TRIP12: variants seen among roughly 807,000 people sequenced by gnomAD.
TRIP12 encodes thyroid hormone receptor interactor 12.
TRIP12 carries 25 observed loss-of-function variants against 244.2 expected under a neutral mutation model. The ratio of observed to expected loss-of-function variants is 0.10; its 90% CI spans 0.07 to 0.14. The LOEUF (loss-of-function observed/expected upper bound fraction) is 0.14. TRIP12 is among the 10% of genes least tolerant of loss of function. The pLI is 1.00. For synonymous variants in TRIP12, 905 were observed against 873.1 expected, an observed-to-expected ratio of 1.04 and a Z score of -0.64; for missense variants, 1,677 against 2,486.4, an observed-to-expected ratio of 0.67 and a Z score of 6.92.
At chr2:229,826,167 TCTTTA>T (rs2051526097) in intron 8 of TRIP12, among the ~76,000 whole-genome samples, 1 of 152,310 alleles carries the variant, frequency 6.6e-6, no homozygotes, top group East Asian at 1.9e-4. Context: ...ATTAATACTT[TCTTTA>T]CTTCTCATAA....
rs181451488 is a variant in TRIP12 at position 229,883,166 on chromosome 2, A to G, written c.-49-3038T>C. On this transcript the variant is annotated intron_variant, in intron 1 of 41. Coordinates refer to ENST00000675903, the MANE Select transcript of TRIP12 (RefSeq NM_001348323.3). Reference sequence around the variant, plus strand: ...ATACTTTGCAGACAAATCCAAATGAAGAAAGTTCCAAGTAATTTGTTGAAG... The same window carrying G: ...ATACTTTGCAGACAAATCCAAATGAGGAAAGTTCCAAGTAATTTGTTGAAG... 9.8e-5 allele frequency among the ~76,000 whole-genome samples: 15 copies of G among 152,336 alleles called. No individual in the cohort carries two copies. In the East Asian group the frequency reaches 1.9e-3, roughly 20 times the overall value.
At chr2:229,870,764 TA>T (rs1280084512) in intron 2 of TRIP12, among the ~76,000 whole-genome samples, 3 of 152,236 alleles carry the variant, frequency 2.0e-5, no homozygotes, top group African/African-American at 4.8e-5. Flanking sequence ...TTTATTTATT[TA>T]TTTTTTTGCG....
Position 229,868,945 on chromosome 2 carries a change from G to A in TRIP12, c.99-8414C>T, listed in dbSNP as rs1014850860. The stretch of plus-strand genomic sequence containing the variant: ...ACGTACTGCCATGTGACTTGCTTCA[G>A]CCAAGGGAATGTGAACAGAAGTGAA... On this transcript the variant is annotated intron_variant, in intron 2 of 41. Coordinates refer to ENST00000675903, the MANE Select transcript of TRIP12 (RefSeq NM_001348323.3). Among the ~76,000 whole-genome samples the A allele has an allele frequency of 6.9e-4, 105 of 152,206 alleles. 1 individual carries two copies. The highest frequency in any genetic ancestry group is 2.5e-3 in the African/African-American group (103 of 41,456).
At position 229,777,469 on chromosome 2, in the gene TRIP12, G is replaced by C. The variant is rs745778168; in HGVS notation, c.5375C>G (p.Pro1792Arg). ...CCATTTATAAAAGGGTAAGCCAAGG[G>C]GAAGGTCCACCTGAAATGGAATATG... ...AIMDFRLVDL[P>R]LGLPFYKWML... is the part of the protein sequence containing the mutation. The change falls in exon 37 of 42, where the codon CCC becomes CGC. Residue 1792 changes from proline to arginine, a missense_variant. By Grantham distance (103) the Pro-to-Arg change is moderately radical. Transcript: ENST00000675903. 1 of 1,613,620 alleles carries C rather than the reference G, an allele frequency of 6.2e-7. No homozygotes were observed. The highest frequency in any genetic ancestry group is 1.1e-5 in the South Asian group (1 of 91,054).
chr2:229,808,729 T>C (rs2046503301), intron 15 of TRIP12, among the ~76,000 whole-genome samples: 1 of 152,232 alleles, frequency 6.6e-6, no homozygotes, highest in Non-Finnish European at 1.5e-5. Context: ...ATTTATGTAC[T>C]TGTCTTCAAT....
chr2:229,842,532 TAC>T (rs1176211759), intron 4 of TRIP12, among the ~76,000 whole-genome samples: 75 of 152,318 alleles, frequency 4.9e-4, no homozygotes, highest in African/African-American at 1.4e-3. Context: ...CTTACGAATG[TAC>T]AGTTTAGAGA....
In TRIP12 at chr2:229,799,025, G is replaced by A. The variant is rs2043515007; in HGVS notation, c.3332C>T (p.Ser1111Leu). The change falls in exon 23 of 42, where the codon TCA becomes TTA. Residue 1111 changes from serine to leucine, a missense_variant. Ser to Leu is a moderately radical substitution (Grantham distance 145). Coordinates refer to ENST00000675903, the MANE Select transcript of TRIP12 (RefSeq NM_001348323.3). Reference protein sequence around the residue: ...NQAKSPTTTQSPKSSFLASLN... With the variant: ...NQAKSPTTTQLPKSSFLASLN... The stretch of plus-strand genomic sequence containing the variant: ...GCTTGCCAGGAAAGAAGATTTAGGT[G>A]ACTGAGTAGTGGTGGGGCTTTTAGC... The A allele has an allele frequency of 1.9e-6, 3 of 1,614,178 alleles. No homozygotes were observed. Among genetic ancestry groups the A allele is most frequent in the South Asian group, 1.1e-5 (1 of 91,066 alleles).
intron 41 of TRIP12, among the ~76,000 whole-genome samples, chr2:229,768,138 T>C (rs913829675): frequency 6.6e-6 from 1 of 152,194 alleles, no homozygotes; most frequent in African/African-American, 2.4e-5. Flanking sequence ...GTTGTGCCTG[T>C]AGTCCCAGCT....
In TRIP12 at chr2:229,789,755, C is replaced by T. The variant is rs370223317; in HGVS notation, c.4551G>A (p.Val1517=). The part of the protein sequence containing the change: ...KKHDELWHDG[V]CPSVSNPLEV... ...CTAAAGGATTTGATACTGATGGGCA[C>T]ACTCCATCTAAAGGACAAAAGATCA... Residue 1517 remains valine, a synonymous_variant, in exon 31 of 42, where the codon GTG becomes GTA. Transcript: ENST00000675903. 14 of 1,613,650 alleles carry T rather than the reference C, an allele frequency of 8.7e-6. No individual in the cohort carries two copies. In the African/African-American group the frequency reaches 1.6e-4, roughly 18 times the overall value.
At chr2:229,783,271 C>T (rs1421879873) in intron 34 of TRIP12, among the ~76,000 whole-genome samples, 1 of 152,228 alleles carries the variant, frequency 6.6e-6, no homozygotes, top group African/African-American at 2.4e-5. Context: ...CAGCCATGCT[C>T]ATTCAGTGTC....
At chr2:229,831,174 G>GT (rs1347900512) in intron 6 of TRIP12, 2 of 702,128 alleles carry the variant, frequency 2.8e-6, no homozygotes, top group East Asian at 2.7e-5. Context: ...ACATACTGCT[G>GT]TAACAATTGT....
At chr2:229,840,772 G>C in intron 5 of TRIP12, 50 bp downstream of exon 5, 1 of 1,232,466 alleles carries the variant, frequency 8.1e-7, no homozygotes, top group East Asian at 2.5e-5. Context: ...AGTTGAAATT[G>C]AGCAACAGAA....
At chr2:229,871,526 C>T (rs2062602495) in intron 2 of TRIP12, among the ~76,000 whole-genome samples, 1 of 152,148 alleles carries the variant, frequency 6.6e-6, no homozygotes, top group Admixed American at 6.5e-5. Flanking sequence ...CCCCTCCCCA[C>T]CCCTTGCTCC....
intron 1 of TRIP12, among the ~76,000 whole-genome samples, chr2:229,917,149 G>C (rs887505146): frequency 3.3e-5 from 5 of 152,010 alleles, no homozygotes; most frequent in African/African-American, 1.2e-4. Flanking sequence ...GGGAGTCCAA[G>C]GCGGGTGGAT....
chr2:229,858,481 A>G (rs2059985894), intron 4 of TRIP12, among the ~76,000 whole-genome samples: 1 of 152,202 alleles, frequency 6.6e-6, no homozygotes. Context: ...TCCCATCCTG[A>G]TATTAGGAAA....
At chr2:229,806,952 T>C (rs1490429753) in intron 17 of TRIP12, among the ~76,000 whole-genome samples, 1 of 152,196 alleles carries the variant, frequency 6.6e-6, no homozygotes, top group Non-Finnish European at 1.5e-5. Flanking sequence ...AAATTATGCA[T>C]GGCATCACAA....
At position 229,836,998 on chromosome 2, in the gene TRIP12, A is replaced by G; in HGVS notation, c.1134-14T>C. On this transcript the variant is annotated splice_polypyrimidine_tract_variant and intron_variant, in intron 5 of 41. Transcript: ENST00000675903. Reference sequence around the variant, plus strand: ...GAGCCTCGCCGACTACAACAGAAAAATGTCATCATGGGCAGCATTACCAGT... The same window carrying G: ...GAGCCTCGCCGACTACAACAGAAAAGTGTCATCATGGGCAGCATTACCAGT... The G allele has an allele frequency of 6.6e-7, 1 of 1,526,290 alleles. No individual in the cohort carries two copies. The highest frequency in any genetic ancestry group is 1.3e-5 in the South Asian group (1 of 79,322). The allele number at this position is 1,526,290 out of a possible 1,614,324, so 94.5% of individuals were successfully genotyped here.
chr2:229,890,406 G>A (rs556413081), intron 1 of TRIP12, among the ~76,000 whole-genome samples: 166 of 152,176 alleles, frequency 1.1e-3, no homozygotes, highest in Admixed American at 3.1e-3. Flanking sequence ...AGCCTACAGA[G>A]GTTAACTCTT....
In TRIP12 at chr2:229,880,254, T is replaced by C. The variant is rs140298202; in HGVS notation, c.-49-126A>G. ...TATCTGATTTTACAGCCTTCACCCATGCTGCAATGTCTCACTGAACTGTGA... is the reference window on the plus strand; with the variant it reads ...TATCTGATTTTACAGCCTTCACCCACGCTGCAATGTCTCACTGAACTGTGA... On this transcript the variant is annotated intron_variant, in intron 1 of 41. Transcript: ENST00000675903. 5.4e-4 allele frequency: 336 copies of C among 618,120 alleles called. 1 individual carries two copies. The highest frequency in any genetic ancestry group is 7.3e-4 in the Non-Finnish European group (260 of 356,290). The allele number at this position is 618,120 out of a possible 1,614,324, so 38.3% of individuals were successfully genotyped here.
Sources: allele counts gnomAD v4.1 joint callset (sites outside exome capture counted in the v4.1 genomes callset), GRCh38; gene constraint gnomAD v4.1.1; transcripts MANE v1.5; gene names NCBI Gene and HGNC (gene_info 2026-07-23, HGNC 2026-07-21).